The following TMEM50B variants were observed in gnomAD, a reference collection of about 807,000 sequenced individuals.
TMEM50B encodes the protein HCV p7-trans-regulated protein 3.
In TMEM50B, 14 loss-of-function variants were observed where a neutral mutation model predicts 23.4. The observed-to-expected ratio is 0.60, with a 90% confidence interval of 0.39 to 0.93. TMEM50B has a LOEUF of 0.93. TMEM50B is among the 40% of genes least tolerant of loss of function. The pLI is 0.00. For missense variants in TMEM50B, 159 were observed against 193.0 expected, an observed-to-expected ratio of 0.82 and a Z score of 1.04; for synonymous variants, 64 against 62.3, an observed-to-expected ratio of 1.03 and a Z score of -0.13.
chr21:33,465,339 T>C lies in TMEM50B; in HGVS notation c.280+3A>G, dbSNP rs1205732875. The stretch of plus-strand genomic sequence containing the variant: ...ACCCATTAACAGCTCAAAGTATCTT[T>C]ACCTGTTCTTCCTAAACAGCCGCTT... On this transcript the variant is annotated splice_donor_region_variant and intron_variant, in intron 4 of 6. Transcript: ENST00000542230. The C allele has an allele frequency of 6.2e-7, 1 of 1,611,994 alleles. No homozygotes were observed. Among genetic ancestry groups the C allele is most frequent in the African/African-American group, 1.3e-5 (1 of 74,878 alleles).
downstream of TMEM50B, chr21:33,448,797 C>G (rs1236196986): frequency 2.0e-5 from 3 of 151,804 alleles, no homozygotes; most frequent in Non-Finnish European, 4.4e-5. Flanking sequence ...GTCCCAGCTG[C>G]TTGGAAAGCG....
intron 4 of TMEM50B, among the ~76,000 whole-genome samples, chr21:33,461,900 C>A (rs987571179): frequency 2.6e-5 from 4 of 151,676 alleles, no homozygotes; most frequent in Admixed American, 6.6e-5. Context: ...AAAAAAATTT[C>A]TCTTGTAAAG....
At chr21:33,453,046 ATTAAT>A (rs1351701377) in intron 6 of TMEM50B, among the ~76,000 whole-genome samples, 6 of 152,174 alleles carry the variant, frequency 3.9e-5, no homozygotes, top group Admixed American at 1.3e-4. Context: ...AGAAGTAGAG[ATTAAT>A]TTATTTAATT....
chr21:33,434,119 T>A (rs755345300), intron 8 of TMEM50B, among the ~76,000 whole-genome samples: 6 of 152,178 alleles, frequency 3.9e-5, no homozygotes, highest in Non-Finnish European at 8.8e-5. Flanking sequence ...GAAAGTCTTA[T>A]TTTCCTGCAT....
intron 1 of TMEM50B, among the ~76,000 whole-genome samples, chr21:33,478,529 A>G (rs548922058): frequency 2.0e-5 from 3 of 152,286 alleles, no homozygotes; most frequent in African/African-American, 7.2e-5. Context: ...GGCCCCCAGA[A>G]GTGAATTCAG....
chr21:33,469,010 C>T (rs2084288911), intron 1 of TMEM50B, 84 bp from the exon 2 acceptor site: 6 of 711,890 alleles, frequency 8.4e-6, no homozygotes, highest in South Asian at 7.4e-5. Context: ...TAAAGCTTTA[C>T]ACACAACTTT....
intron 4 of TMEM50B, 68 bp downstream of exon 4, chr21:33,465,274 A>C (rs2084254961): frequency 4.3e-6 from 5 of 1,168,708 alleles, no homozygotes; most frequent in Non-Finnish European, 6.4e-6. Context: ...GACTCACAAG[A>C]GAGGCTTTTT....
chr21:33,437,063 G>C (rs17882479), intron 8 of TMEM50B: 26 of 1,258,760 alleles, frequency 2.1e-5, no homozygotes, highest in Non-Finnish European at 3.0e-5. Context: ...ATTCCCTTTT[G>C]CTGCCTCTAA....
Position 33,468,763 on chromosome 21 carries a change from CACCA to C in TMEM50B, c.99+20_99+23del. ...AGGGCAAAAGGTAAGGGATACATGT[CACCA>C]ACCAGTCTTTCTCACTTACCAATAT... On this transcript the variant is annotated intron_variant, in intron 2 of 6. Coordinates refer to ENST00000542230, the MANE Select transcript of TMEM50B (RefSeq NM_006134.7). The C allele has an allele frequency of 6.3e-7, 1 of 1,591,622 alleles. No homozygotes were observed.
intron 8 of TMEM50B, among the ~76,000 whole-genome samples, chr21:33,437,956 G>A (rs540030636): frequency 3.3e-5 from 5 of 149,286 alleles, no homozygotes; most frequent in African/African-American, 9.9e-5. Flanking sequence ...GCACTCCAGC[G>A]TGGGAGGCAG....
At chr21:33,445,713 G>A (rs570238765), downstream of TMEM50B, among the ~76,000 whole-genome samples, 1 of 152,216 alleles carries the variant, frequency 6.6e-6, no homozygotes, top group African/African-American at 2.4e-5. Context: ...CACGAGAATG[G>A]CTTGAACCCA....
intron 7 of TMEM50B, among the ~76,000 whole-genome samples, chr21:33,441,490 G>A (rs2084008551): frequency 6.6e-6 from 1 of 152,172 alleles, no homozygotes. Context: ...TTGGCTATAA[G>A]GATCAATAGC....
intron 4 of TMEM50B, chr21:33,465,082 G>A: frequency 2.8e-6 from 1 of 362,040 alleles, no homozygotes; most frequent in Middle Eastern, 7.5e-4. Flanking sequence ...TCCATCATTA[G>A]CACTGGAGTC....
intron 5 of TMEM50B, among the ~76,000 whole-genome samples, chr21:33,458,157 C>G (rs1278289111): frequency 6.6e-6 from 1 of 152,192 alleles, no homozygotes; most frequent in African/African-American, 2.4e-5. Context: ...ACTATGGAGA[C>G]CTTTTAAGAA....
chr21:33,467,035 C>T lies in TMEM50B; in HGVS notation c.187G>A (p.Val63Ile). Residue 63 changes from valine (V) to isoleucine (I), a missense_variant, in exon 3 of 7, where the codon GTA becomes ATA. Physicochemically the swap from Val to Ile is conservative, Grantham distance 29. Coordinates refer to ENST00000542230, the MANE Select transcript of TMEM50B (RefSeq NM_006134.7). ...ATGAAGAAAGCCAATGTGGAAAATA[C>T]ACCACATGTGTGAAAGGCATGGTTC... is the stretch of plus-strand genomic sequence containing the variant. ...QLNHAFHTCG[V>I]FSTLAFFMIN... 6.2e-7 allele frequency: 1 copy of T among 1,613,846 alleles called. No individual in the cohort carries two copies. The highest frequency in any genetic ancestry group is 8.5e-7 in the Non-Finnish European group (1 of 1,179,828).
chr21:33,473,874 A>T (rs2084341926), intron 1 of TMEM50B, among the ~76,000 whole-genome samples: 1 of 152,246 alleles, frequency 6.6e-6, no homozygotes, highest in Non-Finnish European at 1.5e-5. Flanking sequence ...AGAGGTTCCT[A>T]CTGATAGATG....
At chr21:33,442,451 A>C (rs2084016517) in intron 7 of TMEM50B, among the ~76,000 whole-genome samples, 2 of 152,164 alleles carry the variant, frequency 1.3e-5, no homozygotes, top group Admixed American at 1.3e-4. Flanking sequence ...GCAACTTGCC[A>C]ATGCTCTAGG....
chr21:33,468,764 A>AC, intron 2 of TMEM50B, 23 bp downstream of exon 2: 5 of 1,593,524 alleles, frequency 3.1e-6, no homozygotes, highest in Non-Finnish European at 4.3e-6. Context: ...GATACATGTC[A>AC]CCAACCAGTC....
chr21:33,437,126 C>CT (rs756768721), intron 8 of TMEM50B: 50,050 of 467,558 alleles, frequency 0.11, 2 homozygotes, highest in East Asian at 0.15. Context: ...GGGTGACAAG[C>CT]TTTTTTTTTT....
Sources: allele counts gnomAD v4.1 joint callset (sites outside exome capture counted in the v4.1 genomes callset), GRCh38; gene constraint gnomAD v4.1.1; transcripts MANE v1.5; gene names NCBI Gene and HGNC (gene_info 2026-07-23, HGNC 2026-07-21).